Variants in HLA-DPA1 observed in about 807,000 individuals in gnomAD.
The protein encoded by HLA-DPA1 is major histocompatibility complex, class II, DP alpha 1, also known as HLA class II histocompatibility antigen, DP alpha 1 chain.
A neutral mutation model predicts 21.5 loss-of-function variants in HLA-DPA1; 20 were observed. The ratio of observed to expected loss-of-function variants is 0.93; its 90% CI spans 0.66 to 1.35. The LOEUF (loss-of-function observed/expected upper bound fraction) is 1.35. Ranked by LOEUF, HLA-DPA1 falls within the 40% of genes most tolerant of loss-of-function variation. HLA-DPA1 has a pLI of 0.00. For missense variants in HLA-DPA1, 279 were observed against 323.0 expected (o/e 0.86, Z 1.05); for synonymous variants, 123 against 129.6 (o/e 0.95, Z 0.35).
At chr6:33,064,580 T>A (rs1761860103) in exon 6 of HLA-DPA1, 1 of 151,558 alleles carries the variant, frequency 6.6e-6, no homozygotes, top group Non-Finnish European at 1.5e-5. Context: ...TAGGGCATTT[T>A]AAAAATTTTA....
At chr6:33,077,631 G>GGA (rs1762612713) in intron 1 of HLA-DPA1, among the ~76,000 whole-genome samples, 2 of 152,152 alleles carry the variant, frequency 1.3e-5, no homozygotes, top group Non-Finnish European at 2.9e-5. Context: ...TTCAACCATT[G>GGA]TACTCTCAGG....
chr6:33,072,848 T>C (rs1397165666), intron 2 of HLA-DPA1, among the ~76,000 whole-genome samples: 5 of 152,188 alleles, frequency 3.3e-5, no homozygotes, highest in Admixed American at 3.3e-4. Context: ...CACAAGGCTA[T>C]CAAGACCATG....
intron 5 of HLA-DPA1, 101 bp downstream of exon 4, chr6:33,068,537 G>T: frequency 3.3e-6 from 3 of 916,648 alleles, no homozygotes; most frequent in Non-Finnish European, 3.4e-6. Flanking sequence ...GTGGCTGAAT[G>T]CTTTTAACCC....
chr6:33,078,755 A>T (rs2150369815), intron 1 of HLA-DPA1, among the ~76,000 whole-genome samples: 1 of 152,366 alleles, frequency 6.6e-6, no homozygotes, highest in East Asian at 1.9e-4. Context: ...AATTAAAAAA[A>T]TTAAATGTTG....
intron 2 of HLA-DPA1, among the ~76,000 whole-genome samples, chr6:33,071,073 C>G (rs28438582): frequency 2.0e-5 from 3 of 151,790 alleles, no homozygotes; most frequent in African/African-American, 7.3e-5. Context: ...CTGCTCTCAC[C>G]TCCCAACTCA....
chr6:33,064,621 A>AC (rs927016336), exon 6 of HLA-DPA1: 1 of 151,728 alleles, frequency 6.6e-6, no homozygotes, highest in African/African-American at 2.4e-5. Flanking sequence ...CATGTAGAAA[A>AC]ATCCTCCATG....
rs761093053 is a variant in HLA-DPA1, at chr6:33,073,566, C to T, written c.5G>A (p.Arg2His). The stretch of plus-strand genomic sequence containing the variant: ...GATATGGAACATTCTGTCTTCAGGG[C>T]GCATGTTGTGGGGTCTATAATTGAT... Residue 2 changes from arginine (R) to histidine (H), a missense_variant, in exon 2 of 6, where the codon CGC becomes CAC. Transcript: ENST00000419277. 8.7e-6 allele frequency: 14 copies of T among 1,611,342 alleles called. No homozygotes were observed. The East Asian group carries it at 2.2e-4, about 26-fold the overall frequency.
chr6:33,074,590 T>G (rs1358027215), intron 1 of HLA-DPA1, among the ~76,000 whole-genome samples: 1 of 152,252 alleles, frequency 6.6e-6, no homozygotes, highest in Non-Finnish European at 1.5e-5. Flanking sequence ...GAAGTACATA[T>G]ATTACGTTAA....
At chr6:33,077,296 A>C (rs1350474888) in intron 1 of HLA-DPA1, among the ~76,000 whole-genome samples, 1 of 151,894 alleles carries the variant, frequency 6.6e-6, no homozygotes, top group Non-Finnish European at 1.5e-5. Context: ...ATATGTGTGC[A>C]TTTTCTTAAT....
At chr6:33,071,163 C>A (rs1446311237) in intron 2 of HLA-DPA1, among the ~76,000 whole-genome samples, 1 of 150,028 alleles carries the variant, frequency 6.7e-6, no homozygotes, top group Non-Finnish European at 1.5e-5. Flanking sequence ...AGGAGAATGA[C>A]TCCTTGCCAC....
intron 2 of HLA-DPA1, among the ~76,000 whole-genome samples, chr6:33,070,253 C>G (rs9277340): frequency 0.18 from 25,796 of 145,702 alleles, 2,447 homozygotes; most frequent in African/African-American, 0.26. Flanking sequence ...ACATATTTCA[C>G]TCGCTGAATT....
intron 1 of HLA-DPA1, chr6:33,079,738 C>T (rs1762736490): frequency 2.0e-6 from 1 of 508,906 alleles, no homozygotes; most frequent in Admixed American, 2.0e-5. Context: ...ACAAATCTTA[C>T]TGTGCTGAGA....
intron 4 of HLA-DPA1, 50 bp from the exon 4 acceptor site, chr6:33,068,854 A>C (rs73739663): frequency 0.21 from 338,470 of 1,591,062 alleles, 46,453 homozygotes; most frequent in East Asian, 0.64. Context: ...GAGGGTGGTG[A>C]TGGCCTGGGA....
At chr6:33,079,810 A>G (rs1472859402) in intron 1 of HLA-DPA1, 2 of 459,106 alleles carry the variant, frequency 4.4e-6, no homozygotes, top group Non-Finnish European at 8.5e-6. Context: ...CCAGCCGGCC[A>G]TCAGAGTCAC....
chr6:33,069,888 T>A lies in HLA-DPA1; in HGVS notation c.101-2A>T, dbSNP rs1461395301. The A allele has an allele frequency of 5.0e-6, 8 of 1,608,060 alleles. No individual in the cohort carries two copies. In the South Asian group the frequency reaches 8.8e-5, roughly 18 times the overall value. ...CGGCATAAGTTGACACATGGTCCGCTGCATAAAGACAGTAGAGAAAAACAC... is the reference window on the plus strand; with the variant it reads ...CGGCATAAGTTGACACATGGTCCGCAGCATAAAGACAGTAGAGAAAAACAC... On this transcript the variant is annotated splice_acceptor_variant, in intron 2 of 5. Coordinates refer to ENST00000419277, the Ensembl canonical transcript of HLA-DPA1. LOFTEE classifies it high-confidence loss of function.
At chr6:33,076,069 C>T in intron 1 of HLA-DPA1, 1 of 1,612,584 alleles carries the variant, frequency 6.2e-7, no homozygotes, top group African/African-American at 1.3e-5. Flanking sequence ...TTCTGCGGCC[C>T]CCCGGACAGT....
At chr6:33,069,328 C>A (rs372242232) in intron 3 of HLA-DPA1, 28 bp from the exon 3 acceptor site, 20 of 1,595,732 alleles carry the variant, frequency 1.3e-5, no homozygotes, top group Non-Finnish European at 1.7e-5. Flanking sequence ...CAGGTTAGGC[C>A]CCTCTTCTGG....
In HLA-DPA1 at chr6:33,069,697, A is replaced by G. The variant is rs2308917; in HGVS notation, c.290T>C (p.Leu97Ser). 11,106 of 1,612,710 alleles carry G rather than the reference A, an allele frequency of 6.9e-3. 616 individuals are homozygous for G. The African/African-American group carries it at 0.12, about 17-fold the overall frequency. ...GATCAAGGTATTCAAGTTGTTGTTCAATATAGCAATGTTAGCCAGCCCGCC... is the reference window on the plus strand; with the variant it reads ...GATCAAGGTATTCAAGTTGTTGTTCGATATAGCAATGTTAGCCAGCCCGCC... The change falls in exon 3 of 6, where the codon TTG (leucine) becomes TCG (serine). Residue 97 changes from leucine (L) to serine (S), a missense_variant. Transcript: ENST00000419277.
At chr6:33,077,049 C>T (rs1762574619) in intron 1 of HLA-DPA1, among the ~76,000 whole-genome samples, 1 of 149,958 alleles carries the variant, frequency 6.7e-6, no homozygotes, top group African/African-American at 2.5e-5. Flanking sequence ...AGGTATATTT[C>T]CTAATGCTAT....
Sources: gnomAD v4.1 joint callset for allele counts (sites outside exome capture counted in the v4.1 genomes callset) on GRCh38, gnomAD v4.1.1 for gene constraint, MANE v1.5 for transcripts, NCBI Gene and HGNC (gene_info 2026-07-23, HGNC 2026-07-21) for gene names.